The following ZNF483 variants were observed in gnomAD, a reference collection of about 807,000 sequenced individuals.
ZNF483 encodes zinc finger protein 483.
Under a neutral mutation model 28.6 loss-of-function variants are expected in ZNF483, and 9 were observed. That is an observed-to-expected ratio of 0.32 (90% CI 0.19 to 0.55). ZNF483 has a LOEUF of 0.55. Among genes scored for constraint, ZNF483 ranks in the 20% least tolerant of loss-of-function variants. The pLI, the probability that ZNF483 is intolerant of heterozygous loss-of-function variation, is 0.93. For missense variants in ZNF483, 675 were observed against 871.7 expected (o/e 0.77, Z 2.84); for synonymous variants, 322 against 306.2 (o/e 1.05, Z -0.54).
chr9:111,526,450 G>A (rs989807880), intron 1 of ZNF483, among the ~76,000 whole-genome samples: 4 of 152,084 alleles, frequency 2.6e-5, no homozygotes, highest in Admixed American at 1.3e-4. Flanking sequence ...TATTTTGCAT[G>A]TTAGAAGGAA....
intron 5 of ZNF483, chr9:111,574,249 T>C (rs944594193): frequency 6.6e-6 from 1 of 152,258 alleles, no homozygotes; most frequent in East Asian, 1.9e-4. Context: ...GTTTCTTTTA[T>C]ATTTGTAGAT....
At chr9:111,567,653 T>C (rs900528462) in intron 5 of ZNF483, among the ~76,000 whole-genome samples, 1 of 152,194 alleles carries the variant, frequency 6.6e-6, no homozygotes, top group African/African-American at 2.4e-5. Flanking sequence ...ATTAGCACTT[T>C]GGTTTACTTT....
At chr9:111,573,693 T>G (rs1160473873) in intron 5 of ZNF483, among the ~76,000 whole-genome samples, 1 of 152,164 alleles carries the variant, frequency 6.6e-6, no homozygotes, top group Non-Finnish European at 1.5e-5. Context: ...TTGAGTCTGT[T>G]GCCAATAGGA....
chr9:111,528,804 C>CA (rs1316535082), intron 2 of ZNF483, among the ~76,000 whole-genome samples: 1 of 152,174 alleles, frequency 6.6e-6, no homozygotes, highest in African/African-American at 2.4e-5. Flanking sequence ...ACTGCAGTGT[C>CA]ATGCTTCTAC....
At chr9:111,569,780 T>A (rs1828729314) in intron 5 of ZNF483, 1 of 353,602 alleles carries the variant, frequency 2.8e-6, no homozygotes, top group African/African-American at 2.1e-5. Context: ...ATATGTGGGT[T>A]TAAGGAAGAA....
At chr9:111,561,110 T>TATATAGAGAG (rs1457364862) in intron 5 of ZNF483, among the ~76,000 whole-genome samples, 15 of 19,188 alleles carry the variant, frequency 7.8e-4, no homozygotes, top group African/African-American at 2.4e-3. Context: ...TATATATATA[T>TATATAGAGAG]AGAGAGAGAG....
chr9:111,557,928 C>A (rs982280196), downstream of ZNF483, among the ~76,000 whole-genome samples: 7 of 152,102 alleles, frequency 4.6e-5, no homozygotes, highest in African/African-American at 1.7e-4. Context: ...GCAGGCAGAT[C>A]ATGAGGTTAA....
intron 2 of ZNF483, among the ~76,000 whole-genome samples, chr9:111,530,257 C>T (rs549318082): frequency 6.6e-6 from 1 of 152,320 alleles, no homozygotes; most frequent in Admixed American, 6.5e-5. Flanking sequence ...AGATAGCTAA[C>T]CACGTGGCAG....
intron 5 of ZNF483, chr9:111,564,224 A>T (rs1828443854): frequency 1.8e-6 from 2 of 1,081,372 alleles, no homozygotes; most frequent in African/African-American, 3.4e-5. Flanking sequence ...TATAGACAAG[A>T]TTATTTGCTT....
Position 111,554,639 on chromosome 9 carries a change from T to C in ZNF483, c.*11469T>C, listed in dbSNP as rs1828068170. Among the ~76,000 whole-genome samples the C allele has an allele frequency of 6.6e-6, 1 of 151,972 alleles. No homozygotes were observed. Among genetic ancestry groups the C allele is most frequent in the African/African-American group, 2.4e-5 (1 of 41,350 alleles). ...GGTAGTGTAGATGACATGGATATGCTGGACAAAGGGATAATTTGTGTCCTA... is the reference window on the plus strand; with the variant it reads ...GGTAGTGTAGATGACATGGATATGCCGGACAAAGGGATAATTTGTGTCCTA... On this transcript the variant is annotated 3_prime_UTR_variant, in exon 6 of 6. Coordinates refer to ENST00000309235, the MANE Select transcript of ZNF483 (RefSeq NM_133464.5).
In ZNF483 at chr9:111,530,960, C is replaced by T. The variant is rs750055965; in HGVS notation, c.498C>T (p.Ser166=). 9 of 1,488,834 alleles carry T rather than the reference C, an allele frequency of 6.0e-6. No homozygotes were observed. Among genetic ancestry groups the T allele is most frequent in the Non-Finnish European group, 7.3e-6 (8 of 1,097,126 alleles). The allele number at this position is 1,488,834 out of a possible 1,614,324, so 92.2% of individuals were successfully genotyped here. Residue 166 remains serine (S), a synonymous_variant, in exon 3 of 6, where the codon TCC becomes TCT. Transcript: ENST00000309235. ...TCACTGTTTGTCCCAATACTGAGTC[C>T]TGTGTAAGTTTCCTTTGATGGTTTT... ...KMVTVCPNTE[S]CESITLKDVA... is the part of the protein sequence containing the mutation.
rs914428027 is a variant in ZNF483, at chr9:111,546,115, T to G, written c.*2945T>G. 6.6e-6 allele frequency among the ~76,000 whole-genome samples: 1 copy of G among 152,186 alleles called. No homozygotes were observed. Among genetic ancestry groups the G allele is most frequent in the Non-Finnish European group, 1.5e-5 (1 of 68,000 alleles). ...GCCCATCCTAGCGTTTGAAATGATA[T>G]TCCTTTGTGGTTTTAACTTTGATTT... On this transcript the variant is annotated 3_prime_UTR_variant, in exon 6 of 6. Coordinates refer to ENST00000309235, the MANE Select transcript of ZNF483 (RefSeq NM_133464.5).
In ZNF483 at chr9:111,553,444, A is replaced by C. The variant is rs1828030788; in HGVS notation, c.*10274A>C. On this transcript the variant is annotated 3_prime_UTR_variant, in exon 6 of 6. Coordinates refer to ENST00000309235, the MANE Select transcript of ZNF483 (RefSeq NM_133464.5). ...CTCATTTTAGGATTCTGATTTACAT[A>C]GGTATCACTGTAACTTGTGCTGTTT... Among the ~76,000 whole-genome samples the C allele has an allele frequency of 6.6e-6, 1 of 152,192 alleles. No individual in the cohort carries two copies. Among genetic ancestry groups the C allele is most frequent in the Non-Finnish European group, 1.5e-5 (1 of 68,034 alleles).
chr9:111,530,921 A>G lies in ZNF483; in HGVS notation c.459A>G (p.Lys153=). 1 of 1,557,054 alleles carries G rather than the reference A, an allele frequency of 6.4e-7. No homozygotes were observed. The change falls in exon 3 of 6, where the codon AAA becomes AAG. Residue 153 remains lysine (K), a synonymous_variant. Coordinates refer to ENST00000309235, the MANE Select transcript of ZNF483 (RefSeq NM_133464.5). ...CTGTTTCCCAAGAGGAGAACTCAAA[A>G]GAGGATAAAATGGTCACTGTTTGTC... ...DSTVSQEENS[K]EDKMVTVCPN...
intron 5 of ZNF483, among the ~76,000 whole-genome samples, chr9:111,535,484 A>G (rs1827469076): frequency 6.6e-6 from 1 of 152,240 alleles, no homozygotes; most frequent in Non-Finnish European, 1.5e-5. Flanking sequence ...TACATAGAGT[A>G]TATGGATTTT....
chr9:111,534,673 G>C (rs1021274213), intron 5 of ZNF483, among the ~76,000 whole-genome samples: 1 of 151,512 alleles, frequency 6.6e-6, no homozygotes, highest in African/African-American at 2.4e-5. Flanking sequence ...ACAGGAAGGA[G>C]GGCAGATTGG....
chr9:111,556,064 G>A (rs1251722267), downstream of ZNF483, among the ~76,000 whole-genome samples: 3 of 152,262 alleles, frequency 2.0e-5, no homozygotes, highest in African/African-American at 7.2e-5. Flanking sequence ...AGATAGAACA[G>A]GGGTACAGAC....
rs771583713 is a variant in ZNF483 at position 111,545,179 on chromosome 9, G to A, written c.*2009G>A. ...AACGAATCACATCCTAGCCATGAAAGGAATGTTTATTATGAGAATCATTCA... is the reference window on the plus strand; with the variant it reads ...AACGAATCACATCCTAGCCATGAAAAGAATGTTTATTATGAGAATCATTCA... On this transcript the variant is annotated 3_prime_UTR_variant, in exon 6 of 6. Coordinates refer to ENST00000309235, the MANE Select transcript of ZNF483 (RefSeq NM_133464.5). Among the ~76,000 whole-genome samples the A allele has an allele frequency of 2.6e-5, 4 of 152,068 alleles. No homozygotes were observed. The highest frequency in any genetic ancestry group is 6.6e-5 in the Admixed American group (1 of 15,264).
chr9:111,569,777 G>A (rs1042252329), intron 5 of ZNF483: 2 of 356,234 alleles, frequency 5.6e-6, no homozygotes, highest in Non-Finnish European at 5.4e-6. Flanking sequence ...CTCATATGTG[G>A]GTTTAAGGAA....
Sources: allele counts gnomAD v4.1 joint callset (sites outside exome capture counted in the v4.1 genomes callset), GRCh38; gene constraint gnomAD v4.1.1; transcripts MANE v1.5; gene names NCBI Gene and HGNC (gene_info 2026-07-23, HGNC 2026-07-21).